Variants in CHD1 observed in about 807,000 individuals in gnomAD.
CHD1 encodes the protein chromodomain helicase DNA binding protein 1, also known as ATP-dependent chromatin remodeler CHD1.
In CHD1, 36 loss-of-function variants were observed where a neutral mutation model predicts 224.2. The observed-to-expected ratio is 0.16, with a 90% CI of 0.12 to 0.21. CHD1 has a LOEUF of 0.21. Ranked by LOEUF, CHD1 falls within the 10% of genes least tolerant of loss-of-function variation. CHD1 has a pLI of 1.00. For missense variants in CHD1, 1,378 were observed against 1,994.8 expected (o/e 0.69, Z 5.89); for synonymous variants, 668 against 658.3 (o/e 1.01, Z -0.23).
rs1385685501 is a variant in CHD1 at position 98,879,466 on chromosome 5, G to A, written c.3237+86C>T. On this transcript the variant is annotated intron_variant, in intron 23 of 35. Transcript: ENST00000614616. ...GGCCATTACAAGAAAAGAAAACTAT[G>A]GACTGATACCTCGTAGAAACAAACA... 4 of 1,212,790 alleles carry A rather than the reference G, an allele frequency of 3.3e-6. No individual in the cohort carries two copies. In the Admixed American group the frequency reaches 1.0e-4, roughly 30 times the overall value. The allele number at this position is 1,212,790 out of a possible 1,614,324, so 75.1% of individuals were successfully genotyped here. A position where few individuals can be genotyped will look rare whatever the true frequency, so the allele number is the denominator to read the frequency against.
intron 16 of CHD1, among the ~76,000 whole-genome samples, chr5:98,888,862 A>G (rs769346845): frequency 5.7e-4 from 87 of 152,192 alleles, no homozygotes; most frequent in Non-Finnish European, 1.0e-3. Context: ...GGTTTGAGAG[A>G]CCTATTTTTA....
intron 2 of CHD1, among the ~76,000 whole-genome samples, chr5:98,925,102 C>A (rs528516786): frequency 6.6e-6 from 1 of 152,160 alleles, no homozygotes; most frequent in South Asian, 2.1e-4. Flanking sequence ...TTCTTGTCCA[C>A]CCCCATGTCT....
At position 98,903,091 on chromosome 5, in the gene CHD1, T is replaced by C. The variant is rs1580476706; in HGVS notation, c.373-127A>G. The C allele has an allele frequency of 2.4e-5, 12 of 506,350 alleles. No homozygotes were observed. In the East Asian group the frequency reaches 3.9e-4, roughly 16 times the overall value. The allele number at this position is 506,350 out of a possible 1,614,324, so 31.4% of individuals were successfully genotyped here. ...CAGCACTTGTGAAGCCTTTTTTCAA[T>C]GTAGTTTTATTTATGTTAACTAGCT... is the stretch of plus-strand genomic sequence containing the variant. On this transcript the variant is annotated intron_variant, in intron 4 of 35. Coordinates refer to ENST00000614616, the MANE Select transcript of CHD1 (RefSeq NM_001270.4).
intron 15 of CHD1, among the ~76,000 whole-genome samples, chr5:98,891,677 G>A (rs899442639): frequency 2.0e-5 from 3 of 152,096 alleles, no homozygotes; most frequent in Admixed American, 2.0e-4. Flanking sequence ...AGGGCATTGT[G>A]GGGCACACCT....
In CHD1 at chr5:98,899,698, A is replaced by C; in HGVS notation, c.867T>G (p.Gly289=). 6.2e-7 allele frequency: 1 copy of C among 1,610,484 alleles called. No individual in the cohort carries two copies. Among genetic ancestry groups the C allele is most frequent in the African/African-American group, 1.3e-5 (1 of 74,890 alleles). Reference sequence around the variant, plus strand: ...CAACTGCATAGATGGTTGTAGTAGCACCAGTAGCTGAAAACAAAAGCACAA... The same window carrying C: ...CAACTGCATAGATGGTTGTAGTAGCCCCAGTAGCTGAAAACAAAAGCACAA... ...DCRIGRKGAT[G]ATTTIYAVEA... The change falls in exon 8 of 36, where the codon GGT becomes GGG. Residue 289 remains glycine (G), a synonymous_variant. Coordinates refer to ENST00000614616, the MANE Select transcript of CHD1 (RefSeq NM_001270.4).
chr5:98,880,144 A>C (rs1461719809), intron 22 of CHD1, among the ~76,000 whole-genome samples: 2 of 152,246 alleles, frequency 1.3e-5, no homozygotes, highest in South Asian at 4.1e-4. Context: ...TGGCAGAGAC[A>C]TAGAGCTCTT....
At chr5:98,868,762 C>A in intron 30 of CHD1, 127 bp from the exon 31 acceptor site, 1 of 908,354 alleles carries the variant, frequency 1.1e-6, no homozygotes, top group Non-Finnish European at 1.6e-6. Context: ...ATTGAATATC[C>A]TCATCTATTT....
intron 32 of CHD1, among the ~76,000 whole-genome samples, chr5:98,860,867 A>G (rs183321883): frequency 5.7e-4 from 87 of 152,346 alleles, no homozygotes; most frequent in Admixed American, 2.0e-3. Flanking sequence ...AATCCACAGA[A>G]GAAGGAAAAT....
Position 98,868,515 on chromosome 5 carries a change from C to T in CHD1, c.4228G>A (p.Asp1410Asn). 6.2e-7 allele frequency: 1 copy of T among 1,611,328 alleles called. No individual in the cohort carries two copies. The highest frequency in any genetic ancestry group is 8.5e-7 in the Non-Finnish European group (1 of 1,179,424). The part of the protein sequence containing the change: ...VPISEESEEL[D>N]QKTFSICKER... The stretch of plus-strand genomic sequence containing the variant: ...CTTACAATGCTGAATGTCTTCTGAT[C>T]CAGCTCTTCAGATTCTTCAGAAATG... The change falls in exon 31 of 36, where the codon GAT becomes AAT. Residue 1410 changes from aspartate (D) to asparagine (N), a missense_variant. Around this residue, in one of 16 missense-constraint regions of CHD1, gnomAD observed 23 missense variants for 65.8 expected, o/e 0.35. Coordinates refer to ENST00000614616, the MANE Select transcript of CHD1 (RefSeq NM_001270.4).
chr5:98,861,478 G>GT (rs1294235145), intron 32 of CHD1, among the ~76,000 whole-genome samples: 2 of 152,106 alleles, frequency 1.3e-5, no homozygotes, highest in Non-Finnish European at 2.9e-5. Flanking sequence ...GGTAACTACT[G>GT]TAACACTTGC....
At chr5:98,875,146 C>G (rs1184647333) in intron 24 of CHD1, 33 bp from the exon 25 acceptor site, 3 of 1,239,874 alleles carry the variant, frequency 2.4e-6, no homozygotes, top group Non-Finnish European at 3.5e-6. Context: ...TAAATGTGAG[C>G]TTCAGTATTC....
At chr5:98,881,925 A>G (rs1225231691) in intron 20 of CHD1, 50 bp downstream of exon 20, 1 of 1,503,848 alleles carries the variant, frequency 6.6e-7, no homozygotes, top group East Asian at 2.3e-5. Context: ...TATCAAAAAT[A>G]TGAGTTTACT....
At chr5:98,910,923 C>T (rs1752348174) in intron 2 of CHD1, among the ~76,000 whole-genome samples, 1 of 151,050 alleles carries the variant, frequency 6.6e-6, no homozygotes, top group African/African-American at 2.4e-5. Context: ...TTATTTATGA[C>T]AGTGTGTATT....
intron 2 of CHD1, among the ~76,000 whole-genome samples, chr5:98,922,483 T>C (rs1753167467): frequency 6.6e-6 from 1 of 151,818 alleles, no homozygotes; most frequent in Non-Finnish European, 1.5e-5. Flanking sequence ...AGTTAAAAAT[T>C]TTTTTTTTCA....
rs572423657 is a variant in CHD1 at position 98,871,977 on chromosome 5, A to T, written c.3861+74T>A. The T allele has an allele frequency of 5.2e-6, 7 of 1,348,176 alleles. No homozygotes were observed. In the Admixed American group the frequency reaches 1.6e-4, roughly 31 times the overall value. 83.5% of individuals were successfully genotyped at this position (1,348,176 alleles called of 1,614,324 possible). A position where few individuals can be genotyped will look rare whatever the true frequency, so the allele number is the denominator to read the frequency against. ...TTTCCAGATTTCCATTATTTCCAAC[A>T]TAATTTAAAAGCAAGAATTAGAATA... On this transcript the variant is annotated intron_variant, in intron 28 of 35. Transcript: ENST00000614616.
intron 2 of CHD1, among the ~76,000 whole-genome samples, chr5:98,916,835 C>A (rs183564332): frequency 1.4e-4 from 21 of 152,212 alleles, no homozygotes; most frequent in Admixed American, 2.0e-4. Flanking sequence ...AAAATACATT[C>A]TAAAACTGGA....
At chr5:98,894,342 G>C (rs1199340515) in intron 13 of CHD1, among the ~76,000 whole-genome samples, 1 of 152,116 alleles carries the variant, frequency 6.6e-6, no homozygotes, top group Non-Finnish European at 1.5e-5. Context: ...TTTCTAAGAA[G>C]AGCCAGATAG....
chr5:98,898,857 T>C, intron 8 of CHD1, 93 bp from the exon 9 acceptor site: 1 of 725,014 alleles, frequency 1.4e-6, no homozygotes, highest in South Asian at 1.7e-5. Flanking sequence ...GCACAAAATC[T>C]CCCATTTTGC....
At chr5:98,906,100 T>C (rs1752034994) in intron 2 of CHD1, among the ~76,000 whole-genome samples, 1 of 151,640 alleles carries the variant, frequency 6.6e-6, no homozygotes, top group African/African-American at 2.4e-5. Context: ...ATTCTCTTTT[T>C]CCAGAGCAAG....
Sources: gnomAD v4.1 joint callset for allele counts (sites outside exome capture counted in the v4.1 genomes callset) on GRCh38, gnomAD v4.1.1 for gene constraint, gnomAD v4.1.1 regional missense constraint, MANE v1.5 for transcripts, NCBI Gene and HGNC (gene_info 2026-07-23, HGNC 2026-07-21) for gene names.